ARHGAP26: variants seen among roughly 807,000 people sequenced by gnomAD.
ARHGAP26 encodes Rho GTPase activating protein 26.
ARHGAP26 carries 38 observed loss-of-function variants against 104.8 expected under a neutral mutation model. The observed-to-expected ratio is 0.36, with a 90% CI of 0.28 to 0.48. The LOEUF is 0.48. Ranked by LOEUF, ARHGAP26 falls within the 20% of genes least tolerant of loss-of-function variation. The pLI, the probability that ARHGAP26 is intolerant of heterozygous loss-of-function variation, is 0.99. For missense variants in ARHGAP26, 704 were observed against 947.9 expected (o/e 0.74, Z 3.38); for synonymous variants, 341 against 340.0 (o/e 1.00, Z -0.03).
At chr5:143,178,654 G>C (rs1803856073) in intron 20 of ARHGAP26, among the ~76,000 whole-genome samples, 1 of 152,174 alleles carries the variant, frequency 6.6e-6, no homozygotes, top group South Asian at 2.1e-4. Context: ...AGCTGCTGCT[G>C]CCCATGGGGG....
intron 17 of ARHGAP26, among the ~76,000 whole-genome samples, chr5:143,081,807 T>C (rs777282285): frequency 6.6e-6 from 1 of 151,824 alleles, no homozygotes; most frequent in Non-Finnish European, 1.5e-5. Flanking sequence ...AGGTCAGGAG[T>C]TCGAGACCAT....
chr5:143,050,538 T>G (rs1393800982), intron 14 of ARHGAP26, among the ~76,000 whole-genome samples: 1 of 152,232 alleles, frequency 6.6e-6, no homozygotes, highest in African/African-American at 2.4e-5. Context: ...TTTATGCCCC[T>G]TATTTCCCAT....
intron 14 of ARHGAP26, among the ~76,000 whole-genome samples, chr5:143,046,759 C>CT (rs1467123472): frequency 6.6e-6 from 1 of 152,182 alleles, no homozygotes; most frequent in Non-Finnish European, 1.5e-5. Context: ...ATGTCTATCT[C>CT]TCTTCCTGTC....
intron 1 of ARHGAP26, among the ~76,000 whole-genome samples, chr5:142,777,111 C>T (rs993952684): frequency 6.6e-6 from 1 of 152,168 alleles, no homozygotes; most frequent in African/African-American, 2.4e-5. Flanking sequence ...TACTTTGTCT[C>T]ATAAAACTTT....
intron 20 of ARHGAP26, among the ~76,000 whole-genome samples, chr5:143,204,807 TAA>T (rs879698925): frequency 6.8e-6 from 1 of 146,530 alleles, no homozygotes; most frequent in Non-Finnish European, 1.5e-5. Context: ...TAAAGTCATT[TAA>T]AAAAAAAAAA....
chr5:143,020,027 A>G (rs992129801), intron 12 of ARHGAP26, among the ~76,000 whole-genome samples: 6 of 152,226 alleles, frequency 3.9e-5, no homozygotes, highest in Admixed American at 3.3e-4. Context: ...GCTTTTCAGA[A>G]TGCCATTTTG....
chr5:142,963,956 A>T (rs879672030), intron 11 of ARHGAP26, among the ~76,000 whole-genome samples: 7 of 152,258 alleles, frequency 4.6e-5, no homozygotes, highest in Non-Finnish European at 1.0e-4. Context: ...AGAATTCACG[A>T]GAAAGCAAAG....
chr5:142,981,612 A>G (rs558446651), intron 11 of ARHGAP26, among the ~76,000 whole-genome samples: 1 of 152,324 alleles, frequency 6.6e-6, no homozygotes, highest in South Asian at 2.1e-4. Flanking sequence ...GATAGTCATT[A>G]TTATTATAAG....
At chr5:143,070,557 T>C (rs901237208) in intron 17 of ARHGAP26, among the ~76,000 whole-genome samples, 2 of 152,168 alleles carry the variant, frequency 1.3e-5, no homozygotes, top group African/African-American at 4.8e-5. Context: ...AAAATTTATA[T>C]TGTTAACAGG....
chr5:143,086,211 A>G (rs913361407), intron 17 of ARHGAP26, among the ~76,000 whole-genome samples: 4 of 152,232 alleles, frequency 2.6e-5, no homozygotes, highest in African/African-American at 9.7e-5. Flanking sequence ...CCAGATGGCT[A>G]TATTAAGTTG....
At chr5:142,780,580 T>C in intron 1 of ARHGAP26, among the ~76,000 whole-genome samples, 1 of 152,236 alleles carries the variant, frequency 6.6e-6, no homozygotes, top group East Asian at 1.9e-4. Flanking sequence ...TGTGTATTGT[T>C]AATTCTGGGA....
chr5:143,215,654 C>T (rs759942466), intron 22 of ARHGAP26, among the ~76,000 whole-genome samples: 1 of 152,206 alleles, frequency 6.6e-6, no homozygotes, highest in African/African-American at 2.4e-5. Flanking sequence ...CAGCCCAAGG[C>T]AACCACTCTT....
intron 19 of ARHGAP26, among the ~76,000 whole-genome samples, chr5:143,143,291 C>G (rs1346290185): frequency 6.6e-6 from 1 of 152,164 alleles, no homozygotes; most frequent in Non-Finnish European, 1.5e-5. Context: ...GGCCTCGCCT[C>G]TGGGTTCTGT....
rs1220415676 is a variant in ARHGAP26 at position 143,023,775 on chromosome 5, T to G, written c.1144+9659T>G. Reference sequence around the variant, plus strand: ...CTGGCCCACGAGGCAGTCAGCTGAGTGCAGCATCCCCTCCAGCTTTCTCTC... The same window carrying G: ...CTGGCCCACGAGGCAGTCAGCTGAGGGCAGCATCCCCTCCAGCTTTCTCTC... On this transcript the variant is annotated intron_variant, in intron 12 of 22. Coordinates refer to ENST00000645722, the MANE Select transcript of ARHGAP26 (RefSeq NM_001135608.3). 2.0e-5 allele frequency among the ~76,000 whole-genome samples: 3 copies of G among 152,176 alleles called. No homozygotes were observed. In the East Asian group the frequency reaches 5.8e-4, roughly 29 times the overall value.
intron 12 of ARHGAP26, among the ~76,000 whole-genome samples, chr5:143,026,372 A>G (rs1374916442): frequency 1.3e-5 from 2 of 152,220 alleles, no homozygotes; most frequent in Admixed American, 6.5e-5. Context: ...GTATTCTGCA[A>G]AAATAAGGGC....
chr5:142,882,644 G>A (rs1049522071), intron 4 of ARHGAP26, among the ~76,000 whole-genome samples: 7 of 152,202 alleles, frequency 4.6e-5, no homozygotes, highest in Non-Finnish European at 8.8e-5. Flanking sequence ...AAGGAGGCAG[G>A]TTTAGGTGAT....
chr5:142,956,323 C>A (rs1341131516), intron 11 of ARHGAP26, among the ~76,000 whole-genome samples: 1 of 152,196 alleles, frequency 6.6e-6, no homozygotes, highest in South Asian at 2.1e-4. Flanking sequence ...TGCCTGTAAT[C>A]CCAGCACTTT....
chr5:143,159,347 A>G (rs1452908773), intron 20 of ARHGAP26, among the ~76,000 whole-genome samples: 1 of 152,246 alleles, frequency 6.6e-6, no homozygotes, highest in Admixed American at 6.5e-5. Context: ...AGGCAAATTA[A>G]TGATGTCCAA....
At chr5:143,044,363 G>A (rs1783918382) in intron 14 of ARHGAP26, among the ~76,000 whole-genome samples, 1 of 152,092 alleles carries the variant, frequency 6.6e-6, no homozygotes, top group Non-Finnish European at 1.5e-5. Flanking sequence ...TGTTCTCTGT[G>A]GGAGTGTCCC....
Sources: gnomAD v4.1 joint callset for allele counts (sites outside exome capture counted in the v4.1 genomes callset) on GRCh38, gnomAD v4.1.1 for gene constraint, MANE v1.5 for transcripts, NCBI Gene and HGNC (gene_info 2026-07-23, HGNC 2026-07-21) for gene names.